The following CFAP221 variants were observed in gnomAD, a reference collection of about 807,000 sequenced individuals.
CFAP221 encodes the protein cilia- and flagella-associated protein 221.
CFAP221 carries 97 observed loss-of-function variants against 113.1 expected under a neutral mutation model. The ratio of observed to expected loss-of-function variants is 0.86; its 90% CI spans 0.73 to 1.02. The LOEUF is 1.02. Among genes scored for constraint, CFAP221 ranks in the 50% least tolerant of loss-of-function variants. The pLI is 0.00. For missense variants in CFAP221, 1,025 were observed against 1,013.4 expected, an observed-to-expected ratio of 1.01 and a Z score of -0.16; for synonymous variants, 331 against 354.4, an observed-to-expected ratio of 0.93 and a Z score of 0.74.
At chr2:119,561,561 G>A (rs1681246152) in intron 5 of CFAP221, among the ~76,000 whole-genome samples, 1 of 151,070 alleles carries the variant, frequency 6.6e-6, no homozygotes, top group African/African-American at 2.5e-5. Context: ...GCCTGGAGAG[G>A]TTAAAAGTCC....
chr2:119,642,284 A>G, intron 21 of CFAP221, among the ~76,000 whole-genome samples: 1 of 152,196 alleles, frequency 6.6e-6, no homozygotes, highest in East Asian at 1.9e-4. Context: ...ATTTCTGAAA[A>G]CAGGTACAAA....
Position 119,633,436 on chromosome 2 carries a change from A to G in CFAP221, c.1974+2535A>G, listed in dbSNP as rs1197337722. Among the ~76,000 whole-genome samples the G allele has an allele frequency of 3.3e-5, 5 of 152,004 alleles. No homozygotes were observed. The East Asian group carries it at 9.6e-4, about 29-fold the overall frequency. On this transcript the variant is annotated intron_variant, in intron 19 of 23. Coordinates refer to ENST00000413369, the MANE Select transcript of CFAP221 (RefSeq NM_001271049.2). ...AAAAATATAAATTACAGACTTGGAG[A>G]AAATATTTGGAAATTGCATATCTGA...
chr2:119,656,886 G>A (rs953219429), downstream of CFAP221, among the ~76,000 whole-genome samples: 1 of 152,104 alleles, frequency 6.6e-6, no homozygotes, highest in Non-Finnish European at 1.5e-5. Context: ...AGCAATACTG[G>A]TATGAATGCT....
chr2:119,639,369 G>T (rs543191728), intron 20 of CFAP221, among the ~76,000 whole-genome samples: 17 of 152,316 alleles, frequency 1.1e-4, no homozygotes, highest in African/African-American at 4.1e-4. Context: ...CCAGCCGGGG[G>T]TCTCCTTGCA....
chr2:119,611,516 C>T, intron 12 of CFAP221, 137 bp from the exon 13 acceptor site: 2 of 646,374 alleles, frequency 3.1e-6, no homozygotes, highest in East Asian at 5.8e-5. Context: ...TTTTTACCCA[C>T]TTGTGTTTCA....
At chr2:119,658,326 G>A (rs966806975), downstream of CFAP221, among the ~76,000 whole-genome samples, 26 of 152,132 alleles carry the variant, frequency 1.7e-4, no homozygotes, top group African/African-American at 6.0e-4. Context: ...GCCATTGGGA[G>A]CCCCTCAGGT....
At chr2:119,634,826 C>T (rs76683182) in intron 19 of CFAP221, among the ~76,000 whole-genome samples, 5 of 152,134 alleles carry the variant, frequency 3.3e-5, no homozygotes, top group African/African-American at 7.2e-5. Context: ...GAGGGGAAAA[C>T]GGGGAGTTAC....
chr2:119,553,319 G>T (rs1680560442), intron 3 of CFAP221, among the ~76,000 whole-genome samples: 1 of 152,162 alleles, frequency 6.6e-6, no homozygotes, highest in Admixed American at 6.5e-5. Context: ...CGGCGTATTT[G>T]GAGGCTGGTT....
intron 23 of CFAP221, 32 bp from the exon 24 acceptor site, chr2:119,656,330 C>T: frequency 6.3e-7 from 1 of 1,582,468 alleles, no homozygotes; most frequent in Non-Finnish European, 8.7e-7. Context: ...TAAGTGTCCT[C>T]ATGTTTCCTT....
intron 22 of CFAP221, among the ~76,000 whole-genome samples, chr2:119,649,496 G>T (rs992525710): frequency 6.6e-6 from 1 of 152,148 alleles, no homozygotes; most frequent in Non-Finnish European, 1.5e-5. Flanking sequence ...GAGACAGAAC[G>T]CAAGAACAGT....
In CFAP221 at chr2:119,559,715, C is replaced by A; in HGVS notation, c.267C>A (p.Asp89Glu). The A allele has an allele frequency of 6.5e-7, 1 of 1,531,818 alleles. No homozygotes were observed. Among genetic ancestry groups the A allele is most frequent in the African/African-American group, 1.4e-5 (1 of 73,006 alleles). 94.9% of individuals were successfully genotyped at this position (1,531,818 alleles called of 1,614,324 possible). Residue 89 changes from aspartate (D) to glutamate (E), a missense_variant, in exon 4 of 24, where the codon GAC (aspartate) becomes GAA (glutamate). Physicochemically the swap from Asp to Glu is conservative, Grantham distance 45 (BLOSUM62 2). Transcript: ENST00000413369. ...ILHLVNVSNE[D>E]TRVHILPPQT... ...ATCTGGTCAATGTTTCCAATGAAGA[C>A]ACACGTGTTCATATTTTACCCCCGC...
At chr2:119,615,123 A>C (rs766091289) in intron 13 of CFAP221, among the ~76,000 whole-genome samples, 1 of 152,338 alleles carries the variant, frequency 6.6e-6, no homozygotes, top group South Asian at 2.1e-4. Context: ...CAGCCTCACT[A>C]TACCCGCAGA....
In CFAP221 at chr2:119,554,949, G is replaced by A. The variant is rs571801090; in HGVS notation, c.241-4740G>A. 7.9e-5 allele frequency among the ~76,000 whole-genome samples: 12 copies of A among 152,238 alleles called. No individual in the cohort carries two copies. The South Asian group carries it at 1.0e-3, about 13-fold the overall frequency. On this transcript the variant is annotated intron_variant, in intron 3 of 23. Coordinates refer to ENST00000413369, the MANE Select transcript of CFAP221 (RefSeq NM_001271049.2). The stretch of plus-strand genomic sequence containing the variant: ...GTTTGAAGGTTGTGTTTGAAGGGTC[G>A]GGACCCACTCCAAGCCAAGACTTCA...
chr2:119,649,448 T>A (rs1386598020), intron 22 of CFAP221, among the ~76,000 whole-genome samples: 2 of 152,230 alleles, frequency 1.3e-5, no homozygotes, highest in Admixed American at 1.3e-4. Context: ...TTTTTCTGTT[T>A]CTTTGACATC....
At chr2:119,575,038 G>A (rs1026370756) in intron 6 of CFAP221, among the ~76,000 whole-genome samples, 1 of 152,054 alleles carries the variant, frequency 6.6e-6, no homozygotes, top group Non-Finnish European at 1.5e-5. Context: ...GGATCCTGCC[G>A]GCTGTTTCAG....
intron 14 of CFAP221, among the ~76,000 whole-genome samples, chr2:119,622,999 G>A (rs1284397753): frequency 3.9e-5 from 6 of 152,128 alleles, no homozygotes; most frequent in East Asian, 1.9e-4. Context: ...ATTCAACATA[G>A]CGTTGGAGGT....
Position 119,559,958 on chromosome 2 carries a change from A to C in CFAP221, c.358A>C (p.Thr120Pro). 6.5e-7 allele frequency: 1 copy of C among 1,533,440 alleles called. No homozygotes were observed. The highest frequency in any genetic ancestry group is 8.7e-7 in the Non-Finnish European group (1 of 1,146,378). The allele number at this position is 1,533,440 out of a possible 1,614,324, so 95.0% of individuals were successfully genotyped here. Reference sequence around the variant, plus strand: ...CCACCTGGTCCCTGGCTTGTCCCTCACGGTCACCGTTACATTTTCTCCAGA... The same window carrying C: ...CCACCTGGTCCCTGGCTTGTCCCTCCCGGTCACCGTTACATTTTCTCCAGA... The part of the protein sequence containing the change: ...EHHLVPGLSL[T>P]VTVTFSPDEW... Residue 120 changes from threonine (T) to proline (P), a missense_variant, in exon 5 of 24, where the codon ACG (threonine) becomes CCG (proline). Coordinates refer to ENST00000413369, the MANE Select transcript of CFAP221 (RefSeq NM_001271049.2).
At chr2:119,574,348 A>G (rs188502968) in intron 6 of CFAP221, among the ~76,000 whole-genome samples, 5 of 152,230 alleles carry the variant, frequency 3.3e-5, no homozygotes, top group Non-Finnish European at 5.9e-5. Flanking sequence ...GCATGTACAC[A>G]TTGTGGCTTC....
chr2:119,593,747 A>G lies in CFAP221; in HGVS notation c.631+6525A>G, dbSNP rs373578265. 2.6e-4 allele frequency among the ~76,000 whole-genome samples: 40 copies of G among 152,156 alleles called. No homozygotes were observed. In the East Asian group the frequency reaches 6.0e-3, roughly 23 times the overall value. On this transcript the variant is annotated intron_variant, in intron 7 of 23. Transcript: ENST00000413369. The stretch of plus-strand genomic sequence containing the variant: ...CCAGCTACCGGGAGGCTGAGGCAGG[A>G]GAATGGCGTGAACCTGGGAGGCGGA...
Sources: allele counts gnomAD v4.1 joint callset (sites outside exome capture counted in the v4.1 genomes callset), GRCh38; gene constraint gnomAD v4.1.1; transcripts MANE v1.5; gene names NCBI Gene and HGNC (gene_info 2026-07-23, HGNC 2026-07-21).